MRPL50: variants seen among roughly 807,000 people sequenced by gnomAD.
MRPL50 encodes large ribosomal subunit protein mL50.
MRPL50 carries 10 observed loss-of-function variants against 16.2 expected under a neutral mutation model. That is an observed-to-expected ratio of 0.62 (90% CI 0.38 to 1.05). The LOEUF (loss-of-function observed/expected upper bound fraction) is 1.05. Among genes scored for constraint, MRPL50 ranks in the 50% least tolerant of loss-of-function variants. The pLI is 0.01. For missense variants in MRPL50, 213 were observed against 187.1 expected, an observed-to-expected ratio of 1.14 and a Z score of -0.81; for synonymous variants, 68 against 66.8, an observed-to-expected ratio of 1.02 and a Z score of -0.09.
In MRPL50 at chr9:101,389,667, T is replaced by C; in HGVS notation, c.*799A>G. 3.2e-6 allele frequency: 1 copy of C among 309,756 alleles called. No individual in the cohort carries two copies. Among genetic ancestry groups the C allele is most frequent in the Non-Finnish European group, 5.9e-6 (1 of 169,612 alleles). 19.2% of individuals were successfully genotyped at this position (309,756 alleles called of 1,614,324 possible). On this transcript the variant is annotated 3_prime_UTR_variant, in exon 2 of 2. Transcript: ENST00000374865. ...ACCTTTGTCATTCAGAACCATCTGA[T>C]AACCTGCTATTTAAGTAATTTCCAC...
rs991505372 is a variant in MRPL50 at position 101,387,746 on chromosome 9, C to G, written c.*2720G>C. On this transcript the variant is annotated 3_prime_UTR_variant, in exon 2 of 2. Coordinates refer to ENST00000374865, the MANE Select transcript of MRPL50 (RefSeq NM_019051.3). Reference sequence around the variant, plus strand: ...AGCAGGCTTTATTTAAGCATACCTACTAAGCTTACAGAAGTTCCATCTAAG... The same window carrying G: ...AGCAGGCTTTATTTAAGCATACCTAGTAAGCTTACAGAAGTTCCATCTAAG... The G allele has an allele frequency of 6.6e-6, 1 of 152,082 alleles. No homozygotes were observed. The highest frequency in any genetic ancestry group is 6.6e-5 in the Admixed American group (1 of 15,250). The allele number at this position is 152,082 out of a possible 1,614,324, so 9.4% of individuals were successfully genotyped here. A position where few individuals can be genotyped will look rare whatever the true frequency, so the allele number is the denominator to read the frequency against.
intron 1 of MRPL50, among the ~76,000 whole-genome samples, chr9:101,395,619 A>G (rs1244463126): frequency 6.6e-6 from 1 of 152,142 alleles, no homozygotes; most frequent in Non-Finnish European, 1.5e-5. Context: ...TTGCAGTAAC[A>G]TGGATGAAAC....
chr9:101,393,114 T>C (rs1219456910), intron 1 of MRPL50, among the ~76,000 whole-genome samples: 1 of 152,188 alleles, frequency 6.6e-6, no homozygotes, highest in Non-Finnish European at 1.5e-5. Context: ...CATGTGATCA[T>C]TTCAATAGAT....
Position 101,398,539 on chromosome 9 carries a change from G to A in MRPL50, c.54C>T (p.Val18=). 6.2e-7 allele frequency: 1 copy of A among 1,614,050 alleles called. No individual in the cohort carries two copies. The highest frequency in any genetic ancestry group is 8.5e-7 in the Non-Finnish European group (1 of 1,180,016). The change falls in exon 1 of 2, where the codon GTC becomes GTT. Residue 18 remains valine, a synonymous_variant. Transcript: ENST00000374865. ...AAAATTCTCTACATGGTGTCCCTGAGACTGTCCACATGAAGACTCTTCTGG... is the reference window on the plus strand; with the variant it reads ...AAAATTCTCTACATGGTGTCCCTGAAACTGTCCACATGAAGACTCTTCTGG... ...GITRRVFMWT[V]SGTPCREFWS... is the part of the protein sequence containing the mutation.
In MRPL50 at chr9:101,390,230, A is replaced by T; in HGVS notation, c.*236T>A. 1 of 1,215,432 alleles carries T rather than the reference A, an allele frequency of 8.2e-7. No individual in the cohort carries two copies. The highest frequency in any genetic ancestry group is 1.0e-6 in the Non-Finnish European group (1 of 974,896). 75.3% of individuals were successfully genotyped at this position (1,215,432 alleles called of 1,614,324 possible). A position where few individuals can be genotyped will look rare whatever the true frequency, so the allele number is the denominator to read the frequency against. On this transcript the variant is annotated 3_prime_UTR_variant, in exon 2 of 2. Transcript: ENST00000374865. ...ACAGTGCCCTCTCAAAACTTTTCATAAATAATGACCTAATTTCATTTAAAA... is the reference window on the plus strand; with the variant it reads ...ACAGTGCCCTCTCAAAACTTTTCATTAATAATGACCTAATTTCATTTAAAA...
In MRPL50 at chr9:101,398,540, A is replaced by C. The variant is rs769460074; in HGVS notation, c.53T>G (p.Val18Gly). ...AAATTCTCTACATGGTGTCCCTGAG[A>C]CTGTCCACATGAAGACTCTTCTGGT... is the stretch of plus-strand genomic sequence containing the variant. The part of the protein sequence containing the change: ...GITRRVFMWT[V>G]SGTPCREFWS... The change falls in exon 1 of 2, where the codon GTC (valine) becomes GGC (glycine). Residue 18 changes from valine (V) to glycine (G), a missense_variant. Val to Gly is a moderately radical substitution (Grantham distance 109). Transcript: ENST00000374865. 1 of 1,614,056 alleles carries C rather than the reference A, an allele frequency of 6.2e-7. No individual in the cohort carries two copies. The highest frequency in any genetic ancestry group is 8.5e-7 in the Non-Finnish European group (1 of 1,180,002).
At chr9:101,392,187 A>G (rs1830282449) in intron 1 of MRPL50, among the ~76,000 whole-genome samples, 1 of 152,080 alleles carries the variant, frequency 6.6e-6, no homozygotes, top group South Asian at 2.1e-4. Flanking sequence ...GGAAGCTTAT[A>G]GTAATAAACA....
intron 1 of MRPL50, among the ~76,000 whole-genome samples, chr9:101,397,956 A>C (rs1438756117): frequency 6.6e-6 from 1 of 152,210 alleles, no homozygotes; most frequent in Non-Finnish European, 1.5e-5. Flanking sequence ...TGGGAAAATC[A>C]CTTCCCTCCT....
intron 1 of MRPL50, among the ~76,000 whole-genome samples, chr9:101,396,937 T>A (rs1421667998): frequency 2.0e-5 from 3 of 151,708 alleles, no homozygotes; most frequent in African/African-American, 7.3e-5. Context: ...TGAGACTCCA[T>A]CTCCAACACA....
chr9:101,395,584 T>C (rs1830328521), intron 1 of MRPL50, among the ~76,000 whole-genome samples: 1 of 152,046 alleles, frequency 6.6e-6, no homozygotes, highest in South Asian at 2.1e-4. Context: ...TATTCAGCCA[T>C]TAAAAAAGGA....
In MRPL50 at chr9:101,389,506, G is replaced by A. The variant is rs989471628; in HGVS notation, c.*960C>T. The A allele has an allele frequency of 7.8e-7, 1 of 1,280,382 alleles. No homozygotes were observed. The highest frequency in any genetic ancestry group is 1.5e-5 in the African/African-American group (1 of 65,432). The allele number at this position is 1,280,382 out of a possible 1,614,324, so 79.3% of individuals were successfully genotyped here. A position where few individuals can be genotyped will look rare whatever the true frequency, so the allele number is the denominator to read the frequency against. ...AGTAACCCTGGGAAAGAGAATAAATGCAACTTATTTTGTTAAAAACCCTTC... is the reference window on the plus strand; with the variant it reads ...AGTAACCCTGGGAAAGAGAATAAATACAACTTATTTTGTTAAAAACCCTTC... On this transcript the variant is annotated 3_prime_UTR_variant, in exon 2 of 2. Coordinates refer to ENST00000374865, the MANE Select transcript of MRPL50 (RefSeq NM_019051.3).
chr9:101,390,509 G>A lies in MRPL50; in HGVS notation c.434C>T (p.Ala145Val). The A allele has an allele frequency of 6.8e-6, 11 of 1,612,770 alleles. No individual in the cohort carries two copies. The highest frequency in any genetic ancestry group is 9.3e-6 in the Non-Finnish European group (11 of 1,179,292). Residue 145 changes from alanine (A) to valine (V), a missense_variant, in exon 2 of 2, where the codon GCC becomes GTC. By Grantham distance (64) the Ala-to-Val change is moderately conservative. Transcript: ENST00000374865. The stretch of plus-strand genomic sequence containing the variant: ...TTTCAAATTGGGGGGCAGATTACTG[G>A]CACTGAGTTCATCAAATTTAGATCT... ...QDRSKFDELS[A>V]SNLPPNLKIT...
chr9:101,398,346 A>G lies in MRPL50; in HGVS notation c.92+155T>C, dbSNP rs187531865. Reference sequence around the variant, plus strand: ...GGAAGAGACTGGGTCCCACCACTCAATGAGTGCTTCTCAACTCGGGACCCT... The same window carrying G: ...GGAAGAGACTGGGTCCCACCACTCAGTGAGTGCTTCTCAACTCGGGACCCT... On this transcript the variant is annotated intron_variant, in intron 1 of 1. Transcript: ENST00000374865. 2.0e-4 allele frequency among the ~76,000 whole-genome samples: 30 copies of G among 152,338 alleles called. No individual in the cohort carries two copies. The East Asian group carries it at 5.0e-3, about 25-fold the overall frequency.
At chr9:101,395,733 T>C (rs1196356029) in intron 1 of MRPL50, among the ~76,000 whole-genome samples, 2 of 145,502 alleles carry the variant, frequency 1.4e-5, no homozygotes, top group African/African-American at 2.5e-5. Flanking sequence ...CTCATGGAGG[T>C]AGTAATAAAT....
At chr9:101,392,722 C>A (rs1205897595) in intron 1 of MRPL50, among the ~76,000 whole-genome samples, 1 of 151,956 alleles carries the variant, frequency 6.6e-6, no homozygotes, top group Non-Finnish European at 1.5e-5. Flanking sequence ...TAATGCCAAT[C>A]AATACGAATT....
chr9:101,392,892 G>C (rs989893060), intron 1 of MRPL50, among the ~76,000 whole-genome samples: 3 of 151,842 alleles, frequency 2.0e-5, no homozygotes, highest in Admixed American at 1.3e-4. Context: ...ATCAGACAAA[G>C]ACAAAATAAA....
chr9:101,395,897 T>C (rs1470891267), intron 1 of MRPL50, among the ~76,000 whole-genome samples: 1 of 152,184 alleles, frequency 6.6e-6, no homozygotes, highest in South Asian at 2.1e-4. Flanking sequence ...TGGGTGACTA[T>C]AGTTAGTAGT....
chr9:101,396,442 A>G (rs1345917466), intron 1 of MRPL50, among the ~76,000 whole-genome samples: 4 of 152,232 alleles, frequency 2.6e-5, no homozygotes, highest in South Asian at 2.1e-4. Context: ...ATAAAATGCC[A>G]TAAGTGTGTC....
chr9:101,396,672 A>T (rs1370949394), intron 1 of MRPL50, among the ~76,000 whole-genome samples: 1 of 152,176 alleles, frequency 6.6e-6, no homozygotes, highest in Non-Finnish European at 1.5e-5. Flanking sequence ...GGCCGGGTTT[A>T]GTGGCTCACG....
Sources: gnomAD v4.1 joint callset for allele counts (sites outside exome capture counted in the v4.1 genomes callset) on GRCh38, gnomAD v4.1.1 for gene constraint, MANE v1.5 for transcripts, NCBI Gene and HGNC (gene_info 2026-07-23, HGNC 2026-07-21) for gene names.